Variants in PARD3B observed in about 807,000 individuals in gnomAD.
PARD3B encodes the protein par-3 family cell polarity regulator beta.
Under a neutral mutation model 130.2 loss-of-function variants are expected in PARD3B, and 103 were observed. The ratio of observed to expected loss-of-function variants is 0.79; its 90% CI spans 0.67 to 0.93. The LOEUF (loss-of-function observed/expected upper bound fraction) is 0.93, where lower values mean the gene tolerates loss of function less well. PARD3B is among the 40% of genes least tolerant of loss of function. The pLI is 0.00. For missense variants in PARD3B, 1,609 were observed against 1,499.2 expected (o/e 1.07, Z -1.21); for synonymous variants, 583 against 553.2 (o/e 1.05, Z -0.76).
intron 15 of PARD3B, among the ~76,000 whole-genome samples, chr2:205,194,150 G>T (rs1194046804): frequency 6.6e-6 from 1 of 152,146 alleles, no homozygotes; most frequent in Non-Finnish European, 1.5e-5. Flanking sequence ...CTTTGCAATT[G>T]TTTTTTCTCA....
chr2:205,267,432 A>G (rs1392554766), intron 16 of PARD3B, among the ~76,000 whole-genome samples: 1 of 152,178 alleles, frequency 6.6e-6, no homozygotes, highest in Non-Finnish European at 1.5e-5. Flanking sequence ...AAATTGTGTG[A>G]CACAGACAAT....
chr2:205,133,117 C>T (rs1414071833), intron 10 of PARD3B, among the ~76,000 whole-genome samples: 1 of 152,144 alleles, frequency 6.6e-6, no homozygotes, highest in Non-Finnish European at 1.5e-5. Context: ...TTCTGATTTA[C>T]AGCTGCGTGC....
At chr2:205,050,445 C>A (rs1699113164) in intron 4 of PARD3B, among the ~76,000 whole-genome samples, 1 of 151,502 alleles carries the variant, frequency 6.6e-6, no homozygotes, top group African/African-American at 2.4e-5. Context: ...CCTTGCATAG[C>A]CAAACTTATG....
intron 10 of PARD3B, among the ~76,000 whole-genome samples, chr2:205,140,369 A>G (rs1417491518): frequency 1.3e-5 from 2 of 151,970 alleles, no homozygotes; most frequent in Admixed American, 1.3e-4. Flanking sequence ...GGATGAAATA[A>G]AAGGTTTAAT....
intron 1 of PARD3B, among the ~76,000 whole-genome samples, chr2:204,601,698 G>A (rs571060831): frequency 1.3e-5 from 2 of 152,092 alleles, no homozygotes; most frequent in East Asian, 1.9e-4. Context: ...GAAAGTGATT[G>A]TCACTGTTAT....
At chr2:204,558,365 A>C (rs555419241) in intron 1 of PARD3B, among the ~76,000 whole-genome samples, 4 of 152,224 alleles carry the variant, frequency 2.6e-5, no homozygotes, top group Non-Finnish European at 5.9e-5. Context: ...ATACAAAATC[A>C]GTGTGCAAAA....
chr2:204,584,672 T>C (rs1383983982), intron 1 of PARD3B, among the ~76,000 whole-genome samples: 1 of 152,098 alleles, frequency 6.6e-6, no homozygotes, highest in Non-Finnish European at 1.5e-5. Context: ...ATGTGGACAT[T>C]GGGGTTTTAA....
rs192366665 is a variant in PARD3B, at chr2:205,254,907, G to A, written c.2185+9085G>A. Among the ~76,000 whole-genome samples the A allele has an allele frequency of 8.8e-4, 133 of 151,588 alleles. 1 individual carries two copies. The highest frequency in any genetic ancestry group is 4.0e-3 in the South Asian group (19 of 4,788). ...TCTCGATCTCCTGACCTCGTGATCCGCCCGCCTCGGCCTCCCAAAGTGCTG... is the reference window on the plus strand; with the variant it reads ...TCTCGATCTCCTGACCTCGTGATCCACCCGCCTCGGCCTCCCAAAGTGCTG... On this transcript the variant is annotated intron_variant, in intron 16 of 22. Coordinates refer to ENST00000406610, the MANE Select transcript of PARD3B (RefSeq NM_001302769.2).
At chr2:205,114,478 G>A (rs1703883961) in intron 6 of PARD3B, among the ~76,000 whole-genome samples, 2 of 93,764 alleles carry the variant, frequency 2.1e-5, no homozygotes, top group East Asian at 1.0e-3. Flanking sequence ...ATTGAAAAGG[G>A]GGGATTCCTT....
chr2:204,785,781 A>G (rs961732341), intron 2 of PARD3B, among the ~76,000 whole-genome samples: 29 of 152,156 alleles, frequency 1.9e-4, no homozygotes, highest in Admixed American at 1.9e-3. Context: ...TGTTTTAATT[A>G]TTGAACTGAT....
chr2:204,627,165 G>C (rs2034515527), intron 1 of PARD3B, among the ~76,000 whole-genome samples: 1 of 152,060 alleles, frequency 6.6e-6, no homozygotes, highest in South Asian at 2.1e-4. Context: ...GTTTCCTGAG[G>C]CTTCCCAAGG....
At chr2:204,611,970 A>C (rs1483322203) in intron 1 of PARD3B, among the ~76,000 whole-genome samples, 1 of 152,226 alleles carries the variant, frequency 6.6e-6, no homozygotes, top group Non-Finnish European at 1.5e-5. Context: ...GACTCAGATC[A>C]TTTCAGGAGT....
At chr2:204,930,027 AT>A (rs965807539) in intron 2 of PARD3B, among the ~76,000 whole-genome samples, 1 of 151,278 alleles carries the variant, frequency 6.6e-6, no homozygotes. Flanking sequence ...CTATTTTATT[AT>A]TTTTTTAATA....
intron 1 of PARD3B, among the ~76,000 whole-genome samples, chr2:204,640,345 C>G (rs974738760): frequency 5.3e-5 from 8 of 152,162 alleles, no homozygotes; most frequent in African/African-American, 1.9e-4. Context: ...TCAGCAGGTT[C>G]CCTTGCCCCA....
At chr2:205,231,149 A>G (rs7566843) in intron 15 of PARD3B, among the ~76,000 whole-genome samples, 2,227 of 151,876 alleles carry the variant, frequency 0.015, 55 homozygotes, top group African/African-American at 0.051. Flanking sequence ...GGGCTTTTTC[A>G]TGTGTCTAGT....
chr2:205,027,956 T>C (rs1697152537), intron 3 of PARD3B, among the ~76,000 whole-genome samples: 1 of 152,148 alleles, frequency 6.6e-6, no homozygotes, highest in African/African-American at 2.4e-5. Context: ...CATACTGTTT[T>C]ATTACTGTGG....
At chr2:205,587,716 C>T (rs535058753) in intron 22 of PARD3B, among the ~76,000 whole-genome samples, 8 of 152,250 alleles carry the variant, frequency 5.3e-5, no homozygotes, top group East Asian at 3.9e-4. Context: ...TCTTCTACCA[C>T]GAACTCTACC....
chr2:204,705,529 A>G (rs370133067), intron 2 of PARD3B, among the ~76,000 whole-genome samples: 2 of 150,234 alleles, frequency 1.3e-5, no homozygotes, highest in Non-Finnish European at 2.9e-5. Context: ...TATCTCTCAC[A>G]TAATTTCCAT....
intron 4 of PARD3B, among the ~76,000 whole-genome samples, chr2:205,050,037 C>T (rs1185316133): frequency 6.6e-6 from 1 of 151,922 alleles, no homozygotes; most frequent in Non-Finnish European, 1.5e-5. Flanking sequence ...AGACATTGTG[C>T]CTTATGTATC....
Sources: allele counts gnomAD v4.1 joint callset (sites outside exome capture counted in the v4.1 genomes callset), GRCh38; gene constraint gnomAD v4.1.1; transcripts MANE v1.5; gene names NCBI Gene and HGNC (gene_info 2026-07-23, HGNC 2026-07-21).